The following ITFG2 variants were observed in gnomAD, a reference collection of about 807,000 sequenced individuals.
The protein encoded by ITFG2 is KICSTOR complex protein ITFG2.
In ITFG2, 36 loss-of-function variants were observed where a neutral mutation model predicts 54.4. The ratio of observed to expected loss-of-function variants is 0.66; its 90% CI spans 0.51 to 0.87. The LOEUF (loss-of-function observed/expected upper bound fraction) is 0.87. Among genes scored for constraint, ITFG2 ranks in the 40% least tolerant of loss-of-function variants. The pLI, the probability that ITFG2 is intolerant of heterozygous loss-of-function variation, is 0.00. For synonymous variants in ITFG2, 211 were observed against 225.4 expected (o/e 0.94, Z 0.57); for missense variants, 524 against 576.7 (o/e 0.91, Z 0.94).
chr12:2,826,808 A>G (rs1032259425), downstream of ITFG2: 1 of 257,272 alleles, frequency 3.9e-6, no homozygotes, highest in African/African-American at 2.4e-5. Flanking sequence ...GGTGAGAGAC[A>G]TGGTGGTGTG....
intron 2 of ITFG2, among the ~76,000 whole-genome samples, chr12:2,844,861 A>C (rs577871938): frequency 1.4e-4 from 22 of 152,210 alleles, no homozygotes; most frequent in African/African-American, 5.1e-4. Flanking sequence ...CCCAGTAAAC[A>C]TAAGTGTGGT....
Position 2,817,275 on chromosome 12 carries a change from A to G in ITFG2, c.149A>G (p.Asn50Ser). The G allele has an allele frequency of 1.2e-6, 2 of 1,614,056 alleles. No homozygotes were observed. The highest frequency in any genetic ancestry group is 1.7e-6 in the Non-Finnish European group (2 of 1,179,974). The change falls in exon 2 of 12, where the codon AAT becomes AGT. Residue 50 changes from asparagine to serine, a missense_variant. Transcript: ENST00000228799. The stretch of plus-strand genomic sequence containing the variant: ...AGCGGGAAGGTGTCTGTGTATAAAA[A>G]TGATGACAGTCGGCCATGGCTCACC... The part of the protein sequence containing the change: ...DTSGKVSVYK[N>S]DDSRPWLTCS...
At chr12:2,859,208 C>T in intron 3 of ITFG2, 3 of 1,612,118 alleles carry the variant, frequency 1.9e-6, no homozygotes, top group Non-Finnish European at 2.5e-6. Flanking sequence ...GGAACGGGAG[C>T]TCTGCGGCCC....
intron 2 of ITFG2, among the ~76,000 whole-genome samples, chr12:2,856,623 G>A (rs566502638): frequency 5.9e-5 from 9 of 152,242 alleles, no homozygotes; most frequent in South Asian, 2.1e-4. Flanking sequence ...TCGACCTCCC[G>A]AAGTGCTGGG....
chr12:2,853,927 A>T (rs898599866), intron 2 of ITFG2, among the ~76,000 whole-genome samples: 1 of 151,976 alleles, frequency 6.6e-6, no homozygotes, highest in Non-Finnish European at 1.5e-5. Context: ...TCCAGCCTGA[A>T]CCCTGACTTC....
upstream of ITFG2, chr12:2,835,279 CTG>C (rs1042901235): frequency 9.8e-6 from 9 of 922,318 alleles, no homozygotes; most frequent in African/African-American, 1.9e-5. Flanking sequence ...GCGCTTGTCA[CTG>C]TGTGGGGGCA....
chr12:2,838,688 T>A (rs191421795), intron 1 of ITFG2, among the ~76,000 whole-genome samples: 1 of 152,224 alleles, frequency 6.6e-6, no homozygotes, highest in East Asian at 1.9e-4. Context: ...AAGCAAGTAC[T>A]GTCTCACTGC....
At chr12:2,817,792 G>C in intron 2 of ITFG2, 117 bp from the exon 3 acceptor site, 1 of 960,864 alleles carries the variant, frequency 1.0e-6, no homozygotes, top group Non-Finnish European at 1.6e-6. Flanking sequence ...TTCATATGGC[G>C]AAAGTCTTCA....
At chr12:2,827,794 A>G, downstream of ITFG2, 1 of 1,604,484 alleles carries the variant, frequency 6.2e-7, no homozygotes, top group South Asian at 1.1e-5. The surrounding 1 kb of genome is among the most constrained non-coding windows in gnomAD (Gnocchi z 4.0). Context: ...GGACACTGGC[A>G]CAGAGATGGG....
At chr12:2,835,646 G>A (rs1169540523), upstream of ITFG2, 1 of 152,162 alleles carries the variant, frequency 6.6e-6, no homozygotes, top group African/African-American at 2.4e-5. Context: ...CTCTCCTCAA[G>A]TCCTGGCTCT....
In ITFG2 at chr12:2,853,103, TG is replaced by T. The variant is rs549286152; in HGVS notation, n.301-4907del. Among the ~76,000 whole-genome samples, 1,060 of 152,260 alleles carry T rather than the reference TG, an allele frequency of 7.0e-3. 7 individuals are homozygous for T. The highest frequency in any genetic ancestry group is 0.012 in the Non-Finnish European group (797 of 68,004). ...GAGAAGTGTTTGGCAGAACACCACC[TG>T]GCACTGTCATGCCACTGTGAGTCTC... On this transcript the variant is annotated intron_variant and non_coding_transcript_variant, in intron 2 of 3. Coordinates refer to the ITFG2 transcript ENST00000537710.
chr12:2,816,965 A>AT (rs1430493622), intron 1 of ITFG2, among the ~76,000 whole-genome samples: 3 of 151,776 alleles, frequency 2.0e-5, no homozygotes, highest in Non-Finnish European at 4.4e-5. Flanking sequence ...AAATTTTTAA[A>AT]TTTTTTTGTA....
At position 2,818,495 on chromosome 12, in the gene ITFG2, A is replaced by G. The variant is rs138875953; in HGVS notation, c.406+218A>G. Reference sequence around the variant, plus strand: ...TGCCCTCCTGGGCCTTATTATGAAGAAACAGAAAAGAAACAATATAGGCTA... The same window carrying G: ...TGCCCTCCTGGGCCTTATTATGAAGGAACAGAAAAGAAACAATATAGGCTA... On this transcript the variant is annotated intron_variant, in intron 4 of 11. Coordinates refer to ENST00000228799, the MANE Select transcript of ITFG2 (RefSeq NM_018463.4). The G allele has an allele frequency of 1.2e-3, 1,016 of 836,320 alleles. 4 individuals are homozygous for G. Among genetic ancestry groups the G allele is most frequent in the Middle Eastern group, 2.3e-3 (8 of 3,494 alleles). 51.8% of individuals were successfully genotyped at this position (836,320 alleles called of 1,614,324 possible).
chr12:2,834,685 A>C (rs1384937600), upstream of ITFG2: 1 of 1,612,736 alleles, frequency 6.2e-7, no homozygotes, highest in Non-Finnish European at 8.5e-7. Context: ...GTCCAGCGGG[A>C]GCAGGTCGGC....
In ITFG2 at chr12:2,845,352, AG is replaced by A. The variant is rs886567995; in HGVS notation, n.300+4360del. On this transcript the variant is annotated intron_variant and non_coding_transcript_variant, in intron 2 of 3. Transcript: ENST00000537710. The surrounding 1 kb of genome is among the most constrained non-coding windows in gnomAD (Gnocchi z 4.2). ...GGTAATTAGATGAGACAACCCTGGC[AG>A]GGCATGACTGGCAACGTGGGTGGCC... is the stretch of plus-strand genomic sequence containing the variant. 5.3e-5 allele frequency among the ~76,000 whole-genome samples: 8 copies of A among 152,150 alleles called. No individual in the cohort carries two copies. The highest frequency in any genetic ancestry group is 4.6e-4 in the Admixed American group (7 of 15,274).
At chr12:2,855,420 TGGGA>T in intron 2 of ITFG2, 4 of 315,540 alleles carry the variant, frequency 1.3e-5, no homozygotes, top group Non-Finnish European at 2.6e-5. Flanking sequence ...TTTGGGAGGG[TGGGA>T]GGGACTCGCT....
chr12:2,834,650 T>C (rs1282822739), upstream of ITFG2: 1 of 1,596,372 alleles, frequency 6.3e-7, no homozygotes, highest in Admixed American at 1.7e-5. Flanking sequence ...ACCAAGTCCT[T>C]GGAGGTGCCG....
chr12:2,844,336 A>G (rs1293085475), intron 2 of ITFG2, among the ~76,000 whole-genome samples: 1 of 152,022 alleles, frequency 6.6e-6, no homozygotes, highest in African/African-American at 2.4e-5. Flanking sequence ...GGCGGATCAC[A>G]TGAGGTCAGG....
At chr12:2,821,667 A>T (rs768326240) in intron 8 of ITFG2, 25 bp from the exon 9 acceptor site, 8 of 1,613,416 alleles carry the variant, frequency 5.0e-6, no homozygotes, top group Non-Finnish European at 6.8e-6. Context: ...TCCCACCCAC[A>T]CTCAGCCTGC....
Sources: allele counts gnomAD v4.1 joint callset (sites outside exome capture counted in the v4.1 genomes callset), GRCh38; gene constraint gnomAD v4.1.1; non-coding constraint Gnocchi (gnomAD v3.1); transcripts MANE v1.5; gene names NCBI Gene and HGNC (gene_info 2026-07-23, HGNC 2026-07-21).